The following FRMD4A variants were observed in gnomAD, a reference collection of about 807,000 sequenced individuals.
The protein encoded by FRMD4A is FERM domain containing 4A.
FRMD4A carries 29 observed loss-of-function variants against 129.1 expected under a neutral mutation model. The ratio of observed to expected loss-of-function variants is 0.22; its 90% CI spans 0.17 to 0.31. The LOEUF is 0.31. Among genes scored for constraint, FRMD4A ranks in the 10% least tolerant of loss-of-function variants. The pLI is 1.00. For synonymous variants in FRMD4A, 634 were observed against 571.6 expected, an observed-to-expected ratio of 1.11 and a Z score of -1.56; for missense variants, 1,272 against 1,375.8, an observed-to-expected ratio of 0.92 and a Z score of 1.19.
intron 5 of FRMD4A, among the ~76,000 whole-genome samples, chr10:13,783,703 A>G (rs2130784646): frequency 6.6e-6 from 1 of 152,306 alleles, no homozygotes; most frequent in Non-Finnish European, 1.5e-5. Context: ...CTTCTTAATC[A>G]CAGCTTTCTT....
chr10:13,924,077 G>A (rs1048513887), intron 2 of FRMD4A, among the ~76,000 whole-genome samples: 1 of 152,224 alleles, frequency 6.6e-6, no homozygotes, highest in Non-Finnish European at 1.5e-5. Context: ...AAGTTAAGAA[G>A]AAGCTTTTTA....
rs774031855 is a variant in FRMD4A, at chr10:13,701,397, G to A, written c.918C>T (p.Ser306=). 7.9e-5 allele frequency: 128 copies of A among 1,613,804 alleles called. No homozygotes were observed. Among genetic ancestry groups the A allele is most frequent in the Non-Finnish European group, 1.1e-4 (128 of 1,179,770 alleles). ...GTTGGCTTATGGCCATAGCCCAGAT[G>A]GACTTGATCAATGCCGGACATGCAT... ...TWYACPALIK[S]IWAMAISQHQ... The change falls in exon 14 of 25, where the codon TCC becomes TCT. Residue 306 remains serine, a synonymous_variant. Coordinates refer to ENST00000357447, the MANE Select transcript of FRMD4A (RefSeq NM_018027.5).
intron 2 of FRMD4A, among the ~76,000 whole-genome samples, chr10:14,055,464 C>CACAA (rs1834478647): frequency 5.1e-5 from 2 of 39,352 alleles, no homozygotes; most frequent in African/African-American, 1.3e-4. Context: ...CACACACAAA[C>CACAA]ACACACACAC....
chr10:14,280,885 T>G (rs1386563665), intron 2 of FRMD4A, among the ~76,000 whole-genome samples: 1 of 151,980 alleles, frequency 6.6e-6, no homozygotes, highest in Non-Finnish European at 1.5e-5. Flanking sequence ...CCCCAGCCCC[T>G]GTACTCACAA....
chr10:14,247,022 G>T (rs1476375147), intron 2 of FRMD4A, among the ~76,000 whole-genome samples: 1 of 152,120 alleles, frequency 6.6e-6, no homozygotes, highest in African/African-American at 2.4e-5. Context: ...TTCACAGGAG[G>T]TTTTTAAAGA....
intron 2 of FRMD4A, among the ~76,000 whole-genome samples, chr10:13,941,695 A>G (rs2095293713): frequency 6.6e-6 from 1 of 152,206 alleles, no homozygotes; most frequent in Non-Finnish European, 1.5e-5. Context: ...GCCTGACTGT[A>G]CACCTATCAT....
chr10:14,111,161 C>T (rs944961661), intron 2 of FRMD4A, among the ~76,000 whole-genome samples: 2 of 152,150 alleles, frequency 1.3e-5, no homozygotes, highest in East Asian at 1.9e-4. Context: ...TAGCTTAGCC[C>T]CTGATAACTA....
At chr10:13,712,195 T>A (rs1564667921) in intron 12 of FRMD4A, 1 of 152,174 alleles carries the variant, frequency 6.6e-6, no homozygotes, top group South Asian at 2.1e-4. Flanking sequence ...CTTTCCATAC[T>A]CCAAAGACTA....
At chr10:14,050,794 G>T (rs1377587652) in intron 2 of FRMD4A, among the ~76,000 whole-genome samples, 1 of 152,218 alleles carries the variant, frequency 6.6e-6, no homozygotes, top group Admixed American at 6.5e-5. Flanking sequence ...TTGCAAGGGG[G>T]TGTACCCAGA....
intron 2 of FRMD4A, among the ~76,000 whole-genome samples, chr10:13,870,569 G>A (rs985464136): frequency 4.6e-5 from 7 of 152,168 alleles, no homozygotes; most frequent in African/African-American, 1.7e-4. Flanking sequence ...AAGGAGCCGT[G>A]GTCCTGTTTC....
At chr10:13,735,512 C>G (rs919968102) in intron 12 of FRMD4A, among the ~76,000 whole-genome samples, 4 of 152,230 alleles carry the variant, frequency 2.6e-5, no homozygotes, top group Non-Finnish European at 4.4e-5. Context: ...TGAGCCCTAG[C>G]TATGCATCCT....
intron 3 of FRMD4A, among the ~76,000 whole-genome samples, chr10:13,820,853 G>A (rs1250981405): frequency 3.3e-5 from 5 of 152,236 alleles, no homozygotes; most frequent in Non-Finnish European, 7.3e-5. Flanking sequence ...CTTTAGGAGT[G>A]GGTGCAGCTG....
intron 2 of FRMD4A, among the ~76,000 whole-genome samples, chr10:13,900,023 G>A (rs2094801163): frequency 6.6e-6 from 1 of 152,164 alleles, no homozygotes; most frequent in African/African-American, 2.4e-5. Context: ...TGTTAAAAAT[G>A]CAGAGAGATC....
intron 11 of FRMD4A, among the ~76,000 whole-genome samples, chr10:13,738,362 A>C (rs7074581): frequency 0.67 from 101,954 of 152,016 alleles, 34,886 homozygotes; most frequent in African/African-American, 0.75. Flanking sequence ...ATCGATGGTC[A>C]GAGCCAGAGG....
chr10:13,855,168 T>C lies in FRMD4A; in HGVS notation c.111+3679A>G, dbSNP rs183579887. On this transcript the variant is annotated intron_variant, in intron 3 of 24. Coordinates refer to ENST00000357447, the MANE Select transcript of FRMD4A (RefSeq NM_018027.5). Reference sequence around the variant, plus strand: ...ATTAGGATGACAGGCATTTTTTCTCTGCAACCCAAAGAAGGGAAATGTTAT... The same window carrying C: ...ATTAGGATGACAGGCATTTTTTCTCCGCAACCCAAAGAAGGGAAATGTTAT... Among the ~76,000 whole-genome samples the C allele has an allele frequency of 4.4e-3, 668 of 152,286 alleles. 6 individuals are homozygous for C. Among genetic ancestry groups the C allele is most frequent in the African/African-American group, 0.015 (642 of 41,562 alleles).
chr10:14,094,786 C>T (rs768059248), intron 2 of FRMD4A, among the ~76,000 whole-genome samples: 2 of 152,164 alleles, frequency 1.3e-5, no homozygotes, highest in Non-Finnish European at 2.9e-5. Flanking sequence ...ACCTCTGCAG[C>T]CCCCCAGAAA....
intron 2 of FRMD4A, among the ~76,000 whole-genome samples, chr10:13,868,396 T>C (rs7901467): frequency 1 from 151,933 of 152,260 alleles, 75,804 homozygotes; most frequent in Middle Eastern, 1. Context: ...GACACAGGCA[T>C]GAGACACCAG....
chr10:13,754,853 C>A (rs1438119730), intron 8 of FRMD4A, among the ~76,000 whole-genome samples: 1 of 152,154 alleles, frequency 6.6e-6, no homozygotes, highest in Non-Finnish European at 1.5e-5. Flanking sequence ...AAAGCCTCAG[C>A]AAGTCTATTT....
At position 13,646,518 on chromosome 10, in the gene FRMD4A, T is replaced by G. The variant is rs1228649496; in HGVS notation, c.*520A>C. The G allele has an allele frequency of 6.6e-6, 1 of 152,236 alleles. No homozygotes were observed. Among genetic ancestry groups the G allele is most frequent in the African/African-American group, 2.4e-5 (1 of 41,412 alleles). 9.4% of individuals were successfully genotyped at this position (152,236 alleles called of 1,614,324 possible). A position where few individuals can be genotyped will look rare whatever the true frequency, so the allele number is the denominator to read the frequency against. ...TCATGAAGTGCTTGGTTGGCCTACG[T>G]ATGGGTGGCAGGCTGGACACAGCTG... is the stretch of plus-strand genomic sequence containing the variant. On this transcript the variant is annotated 3_prime_UTR_variant, in exon 25 of 25. Transcript: ENST00000357447.
Sources: gnomAD v4.1 joint callset for allele counts (sites outside exome capture counted in the v4.1 genomes callset) on GRCh38, gnomAD v4.1.1 for gene constraint, MANE v1.5 for transcripts, NCBI Gene and HGNC (gene_info 2026-07-23, HGNC 2026-07-21) for gene names.